The following DDX60L variants were observed in gnomAD, a reference collection of about 807,000 sequenced individuals.
The protein encoded by DDX60L is DExD/H-box 60 like.
DDX60L carries 191 observed loss-of-function variants against 211.6 expected under a neutral mutation model. The observed-to-expected ratio is 0.90, with a 90% CI of 0.80 to 1.02. DDX60L has a LOEUF of 1.02. Among genes scored for constraint, DDX60L ranks in the 50% least tolerant of loss-of-function variants. The probability of loss-of-function intolerance (pLI) is 0.00; values close to 1 mark genes in which losing one functional copy is unlikely to be tolerated. For synonymous variants in DDX60L, 706 were observed against 694.1 expected (o/e 1.02, Z -0.27); for missense variants, 2,007 against 1,984.1 (o/e 1.01, Z -0.22).
At chr4:168,375,604 T>G (rs1462334825) in intron 33 of DDX60L, 80 bp from the exon 34 acceptor site, 1 of 1,287,596 alleles carries the variant, frequency 7.8e-7, no homozygotes, top group Non-Finnish European at 1.0e-6. Context: ...GATTGCAGCA[T>G]AGTTCTGTAG....
At chr4:168,463,816 T>C (rs897169514) in intron 4 of DDX60L, among the ~76,000 whole-genome samples, 10 of 152,190 alleles carry the variant, frequency 6.6e-5, no homozygotes, top group Non-Finnish European at 1.3e-4. Context: ...AGGAGTAGGA[T>C]GAGGGAATGG....
At chr4:168,392,783 C>T (rs1303573454) in intron 28 of DDX60L, among the ~76,000 whole-genome samples, 1 of 149,078 alleles carries the variant, frequency 6.7e-6, no homozygotes, top group African/African-American at 2.5e-5. Context: ...GACGTTGCAG[C>T]GAGCCGAGAT....
At chr4:168,397,456 A>G (rs1560985952) in intron 26 of DDX60L, among the ~76,000 whole-genome samples, 1 of 152,218 alleles carries the variant, frequency 6.6e-6, no homozygotes, top group Non-Finnish European at 1.5e-5. Flanking sequence ...CAAAAGACAA[A>G]GGGTAATAGA....
rs574540590 is a variant in DDX60L at position 168,428,792 on chromosome 4, C to T, written c.1678-1470G>A. Among the ~76,000 whole-genome samples, 5 of 152,286 alleles carry T rather than the reference C, an allele frequency of 3.3e-5. No homozygotes were observed. The East Asian group carries it at 7.7e-4, about 24-fold the overall frequency. On this transcript the variant is annotated intron_variant, in intron 13 of 37. Transcript: ENST00000682922. ...ACCTTCCCAAGCAGAACCATAAAAT[C>T]TACCGTTTGTTCAGTTATAAACACT... is the stretch of plus-strand genomic sequence containing the variant.
intron 17 of DDX60L, 147 bp from the exon 18 acceptor site, chr4:168,420,527 T>C (rs1750365316): frequency 7.4e-6 from 6 of 811,356 alleles, no homozygotes; most frequent in Non-Finnish European, 1.1e-5. Context: ...TGAAATGAAG[T>C]AGGGAAAAAT....
chr4:168,420,450 G>T, intron 17 of DDX60L, 70 bp from the exon 18 acceptor site: 2 of 1,174,358 alleles, frequency 1.7e-6, no homozygotes, highest in Non-Finnish European at 1.2e-6. Flanking sequence ...GAGGACAACC[G>T]AATCCATACA....
At chr4:168,459,031 C>T (rs1395495117) in intron 5 of DDX60L, among the ~76,000 whole-genome samples, 2 of 152,128 alleles carry the variant, frequency 1.3e-5, no homozygotes, top group Middle Eastern at 3.4e-3. Flanking sequence ...GTAGTATGGA[C>T]CCCCAATCCT....
intron 11 of DDX60L, 130 bp downstream of exon 11, chr4:168,432,879 AT>A: frequency 1.8e-6 from 1 of 544,128 alleles, no homozygotes; most frequent in Non-Finnish European, 3.3e-6. Flanking sequence ...ACTTAAATGT[AT>A]TATAGTCACA....
At chr4:168,418,538 C>A (rs978914660) in intron 19 of DDX60L, among the ~76,000 whole-genome samples, 15 of 152,214 alleles carry the variant, frequency 9.9e-5, no homozygotes, top group Non-Finnish European at 1.8e-4. Flanking sequence ...AGGAAACAGA[C>A]TACTTTCAGC....
In DDX60L at chr4:168,456,138, T is replaced by A. The variant is rs375169748; in HGVS notation, c.738A>T (p.Leu246=). Residue 246 remains leucine, a synonymous_variant, in exon 7 of 38, where the codon CTA becomes CTT. Transcript: ENST00000682922. ...CTGACCATAGGTGCTGAAGCAGAAATAGAGTCTGATACGCCTATCAAAAAA... is the reference window on the plus strand; with the variant it reads ...CTGACCATAGGTGCTGAAGCAGAAAAAGAGTCTGATACGCCTATCAAAAAA... ...NDMMEEAYQT[L]FLLQHLWSEG... is the part of the protein sequence containing the mutation. The A allele has an allele frequency of 1.9e-6, 3 of 1,577,038 alleles. No homozygotes were observed. The Admixed American group carries it at 5.7e-5, about 30-fold the overall frequency.
At chr4:168,464,632 T>G (rs1341119857) in intron 4 of DDX60L, among the ~76,000 whole-genome samples, 1 of 152,072 alleles carries the variant, frequency 6.6e-6, no homozygotes, top group Non-Finnish European at 1.5e-5. Flanking sequence ...ATGTATACAA[T>G]GCATAATGAT....
At position 168,421,901 on chromosome 4, in the gene DDX60L, G is replaced by C. The variant is rs1430858664; in HGVS notation, c.2253C>G (p.Leu751=). 22 of 1,613,974 alleles carry C rather than the reference G, an allele frequency of 1.4e-5. No individual in the cohort carries two copies. Among genetic ancestry groups the C allele is most frequent in the Non-Finnish European group, 1.8e-5 (21 of 1,180,010 alleles). The change falls in exon 17 of 38, where the codon CTC becomes CTG. Residue 751 remains leucine (L), a synonymous_variant. Transcript: ENST00000682922. Reference sequence around the variant, plus strand: ...ACTCATTCTTATCTACCACATCCAGGAGTTCCTGCTGCAGGGTACAAAGCA... The same window carrying C: ...ACTCATTCTTATCTACCACATCCAGCAGTTCCTGCTGCAGGGTACAAAGCA... ...DFIPNAWQQE[L]LDVVDKNESA... is the part of the protein sequence containing the mutation.
intron 14 of DDX60L, among the ~76,000 whole-genome samples, chr4:168,425,099 C>T (rs1221734004): frequency 1.3e-5 from 2 of 152,188 alleles, no homozygotes; most frequent in African/African-American, 2.4e-5. Context: ...CGGTACAATA[C>T]GATGATAGCG....
At chr4:168,424,879 G>T (rs1309685700) in intron 14 of DDX60L, among the ~76,000 whole-genome samples, 2 of 152,146 alleles carry the variant, frequency 1.3e-5, no homozygotes, top group African/African-American at 4.8e-5. Context: ...GTGCGGTTTT[G>T]TTACTAAGTT....
At chr4:168,389,013 A>T (rs1242668244) in intron 29 of DDX60L, among the ~76,000 whole-genome samples, 1 of 152,214 alleles carries the variant, frequency 6.6e-6, no homozygotes, top group Non-Finnish European at 1.5e-5. Flanking sequence ...TATGGGAAAG[A>T]AGTGACTCAT....
chr4:168,382,740 T>A (rs1189335116), intron 30 of DDX60L, among the ~76,000 whole-genome samples: 1 of 152,138 alleles, frequency 6.6e-6, no homozygotes, highest in African/African-American at 2.4e-5. Context: ...AGTTATATTA[T>A]CAGTTTTCAC....
In DDX60L at chr4:168,457,966, G is replaced by A; in HGVS notation, c.649C>T (p.His217Tyr). Residue 217 changes from histidine to tyrosine, a missense_variant, in exon 6 of 38, where the codon CAC (histidine) becomes TAC (tyrosine). By Grantham distance (83) the His-to-Tyr change is moderately conservative. Coordinates refer to ENST00000682922, the MANE Select transcript of DDX60L (RefSeq NM_001012967.3). ...IQSAYKSLIQHLEEIRVLVLA... is the reference protein window; with the variant it reads ...IQSAYKSLIQYLEEIRVLVLA... ...ACTAAAACCCTTATTTCTTCCAAGT[G>A]TTGTATGAGGCTTTTATATGCACTC... is the stretch of plus-strand genomic sequence containing the variant. The A allele has an allele frequency of 6.4e-7, 1 of 1,568,360 alleles. No homozygotes were observed.
chr4:168,419,211 C>A, intron 19 of DDX60L, 91 bp downstream of exon 19: 1 of 787,792 alleles, frequency 1.3e-6, no homozygotes, highest in Non-Finnish European at 1.9e-6. Flanking sequence ...ACTTAACTGC[C>A]ATCATTGAAA....
At chr4:168,464,605 G>T (rs1318821216) in intron 4 of DDX60L, among the ~76,000 whole-genome samples, 1 of 151,824 alleles carries the variant, frequency 6.6e-6, no homozygotes, top group East Asian at 1.9e-4. Context: ...GGAGTACAGG[G>T]TGATATTTTG....
Sources: allele counts gnomAD v4.1 joint callset (sites outside exome capture counted in the v4.1 genomes callset), GRCh38; gene constraint gnomAD v4.1.1; transcripts MANE v1.5; gene names NCBI Gene and HGNC (gene_info 2026-07-23, HGNC 2026-07-21).